BTG4: variants seen among roughly 807,000 people sequenced by gnomAD.
The protein encoded by BTG4 is BTG anti-proliferation factor 4.
A neutral mutation model predicts 19.3 loss-of-function variants in BTG4; 10 were observed. The observed-to-expected ratio is 0.52, with a 90% confidence interval of 0.32 to 0.88. BTG4 has a LOEUF of 0.88. Ranked by LOEUF, BTG4 falls within the 40% of genes least tolerant of loss-of-function variation. The pLI is 0.04. For synonymous variants in BTG4, 91 were observed against 95.7 expected, an observed-to-expected ratio of 0.95 and a Z score of 0.29; for missense variants, 238 against 281.9, an observed-to-expected ratio of 0.84 and a Z score of 1.11.
At chr11:111,490,725 C>T (rs1865366951), downstream of BTG4, among the ~76,000 whole-genome samples, 1 of 152,254 alleles carries the variant, frequency 6.6e-6, no homozygotes, top group Middle Eastern at 3.4e-3. Flanking sequence ...CCCTACACAC[C>T]CATCAGAATG....
the BTG4 span, among the ~76,000 whole-genome samples, chr11:111,398,280 C>T: frequency 1.3e-5 from 2 of 152,174 alleles, no homozygotes; most frequent in Non-Finnish European, 2.9e-5. Context: ...TTTCAGAGGA[C>T]ACCCCTGCCT....
At position 111,498,004 on chromosome 11, in the gene BTG4, C is replaced by T. The variant is rs1163910284; in HGVS notation, c.305G>A (p.Cys102Tyr). 3.1e-6 allele frequency: 5 copies of T among 1,613,764 alleles called. No homozygotes were observed. The highest frequency in any genetic ancestry group is 2.7e-5 in the African/African-American group (2 of 74,930). Residue 102 changes from cysteine (C) to tyrosine (Y), a missense_variant, in exon 3 of 5, where the codon TGC becomes TAC. Cys to Tyr is a radical substitution (Grantham distance 194, BLOSUM62 -2). Coordinates refer to ENST00000692032, the MANE Select transcript of BTG4 (RefSeq NM_001367975.1). ...MTIWVDPFEV[C>Y]CRYGEKNHPF... ...AAACTATGAGATTACTCACCTACAG[C>T]ATACTTCAAAGGGATCTACCCATAT...
chr11:111,453,323 G>A, the BTG4 span: 67 of 364,444 alleles, frequency 1.8e-4, no homozygotes, highest in Non-Finnish European at 3.6e-4. Context: ...GGTGAAGTGC[G>A]ACCTGTTTCC....
At chr11:111,508,820 AG>A (rs1866645952) in intron 1 of BTG4, among the ~76,000 whole-genome samples, 1 of 149,992 alleles carries the variant, frequency 6.7e-6, no homozygotes, top group Non-Finnish European at 1.5e-5. Context: ...AGTTATATTA[AG>A]ATATATTCAT....
At chr11:111,453,428 G>A in the BTG4 span, 36 of 456,396 alleles carry the variant, frequency 7.9e-5, no homozygotes, top group Non-Finnish European at 1.4e-4. Context: ...CACAGCCTGA[G>A]CTGGGCTCGG....
At chr11:111,489,745 A>C (rs1010133464) in intron 5 of BTG4, among the ~76,000 whole-genome samples, 1 of 152,180 alleles carries the variant, frequency 6.6e-6, no homozygotes, top group Non-Finnish European at 1.5e-5. Flanking sequence ...TAAGCCAGGC[A>C]CAGAAAGACA....
chr11:111,502,382 C>T (rs554841772), intron 1 of BTG4, among the ~76,000 whole-genome samples: 7 of 152,246 alleles, frequency 4.6e-5, no homozygotes, highest in Admixed American at 2.6e-4. Context: ...AGATAGATAC[C>T]GCCTTAGCTG....
chr11:111,443,546 AT>A, the BTG4 span, among the ~76,000 whole-genome samples: 3 of 152,350 alleles, frequency 2.0e-5, no homozygotes, highest in Non-Finnish European at 2.9e-5. Context: ...TTTCAAAAAA[AT>A]ATCAGCACAT....
At chr11:111,387,494 C>T in the BTG4 span, among the ~76,000 whole-genome samples, 1 of 152,226 alleles carries the variant, frequency 6.6e-6, no homozygotes, top group Non-Finnish European at 1.5e-5. Context: ...TGCCAGTGTT[C>T]AGAAGCCAGG....
chr11:111,513,874 A>G (rs1329382952), upstream of BTG4, among the ~76,000 whole-genome samples: 1 of 152,226 alleles, frequency 6.6e-6, no homozygotes, highest in African/African-American at 2.4e-5. Flanking sequence ...GAAAGAATAA[A>G]GTGCCATAAA....
intron 5 of BTG4, among the ~76,000 whole-genome samples, chr11:111,472,672 C>T (rs371225791): frequency 2.4e-4 from 37 of 152,322 alleles, no homozygotes; most frequent in African/African-American, 8.7e-4. Flanking sequence ...TACTCAGCAG[C>T]TTTCTCTTAA....
the BTG4 span, among the ~76,000 whole-genome samples, chr11:111,393,817 T>C: frequency 2.2e-4 from 33 of 152,332 alleles, no homozygotes; most frequent in African/African-American, 7.2e-4. Flanking sequence ...TGAACTCTGC[T>C]CTTAGAAATA....
intron 5 of BTG4, among the ~76,000 whole-genome samples, chr11:111,477,372 A>T (rs541953184): frequency 6.6e-6 from 1 of 152,306 alleles, no homozygotes; most frequent in African/African-American, 2.4e-5. Flanking sequence ...CTGACTAGAA[A>T]ACAGATAAGA....
At position 111,497,254 on chromosome 11, in the gene BTG4, G is replaced by A. The variant is rs1865795889; in HGVS notation, c.467C>T (p.Pro156Leu). Residue 156 changes from proline to leucine, a missense_variant, in exon 4 of 5, where the codon CCT becomes CTT. Coordinates refer to ENST00000692032, the MANE Select transcript of BTG4 (RefSeq NM_001367975.1). ...ATTGCTGACTTTAGGAATGACACGA[G>A]GTTCCTTGCTACAACTTTCTTCATC... ...SCDEESCSKE[P>L]RVIPKVSNPK... 1.9e-6 allele frequency: 3 copies of A among 1,613,004 alleles called. No individual in the cohort carries two copies. The highest frequency in any genetic ancestry group is 2.7e-5 in the African/African-American group (2 of 74,796).
the BTG4 span, among the ~76,000 whole-genome samples, chr11:111,420,186 C>A: frequency 6.6e-6 from 1 of 152,200 alleles, no homozygotes; most frequent in Non-Finnish European, 1.5e-5. Flanking sequence ...GGTGCAAAGT[C>A]CTGGAGGACT....
At chr11:111,459,583 G>C in the BTG4 span, 1 of 131,250 alleles carries the variant, frequency 7.6e-6, no homozygotes. Flanking sequence ...TGCTTAACCC[G>C]CAACTCCTCC....
chr11:111,409,365 T>G, the BTG4 span, among the ~76,000 whole-genome samples: 1 of 152,150 alleles, frequency 6.6e-6, no homozygotes, highest in African/African-American at 2.4e-5. Context: ...TGTGGTGGGA[T>G]GGCTTGGTGC....
chr11:111,509,911 C>CTTTTTTTTTTTTTTTTTTTTTTTTTT (rs1450409427), intron 1 of BTG4, among the ~76,000 whole-genome samples: 2 of 114,724 alleles, frequency 1.7e-5, no homozygotes, highest in African/African-American at 3.1e-5. Flanking sequence ...TTTCTTTTTT[C>CTTTTTTTTTTTTTTTTTTTTTTTTTT]TTTTTTTTTT....
chr11:111,390,985 T>C, the BTG4 span, among the ~76,000 whole-genome samples: 1 of 152,132 alleles, frequency 6.6e-6, no homozygotes, highest in African/African-American at 2.4e-5. Flanking sequence ...TTGCAGAAAA[T>C]TTGGCAGACT....
Sources: allele counts gnomAD v4.1 joint callset (sites outside exome capture counted in the v4.1 genomes callset), GRCh38; gene constraint gnomAD v4.1.1; transcripts MANE v1.5; gene names NCBI Gene and HGNC (gene_info 2026-07-23, HGNC 2026-07-21).